The following DMD variants were observed in gnomAD, a reference collection of about 807,000 sequenced individuals.
The protein encoded by DMD is dystrophin.
A neutral mutation model predicts 330.1 loss-of-function variants in DMD; 63 were observed. The observed-to-expected ratio is 0.19, with a 90% CI of 0.16 to 0.24. DMD has a LOEUF of 0.24. Among genes scored for constraint, DMD ranks in the 10% least tolerant of loss-of-function variants. DMD has a pLI of 1.00. For missense variants in DMD, 3,344 were observed against 2,684.1 expected (o/e 1.25, Z -5.43); for synonymous variants, 1,223 against 959.8 (o/e 1.27, Z -5.07).
chrX:31,402,484 C>T (rs1239349735), intron 60 of DMD, among the ~76,000 whole-genome samples: 1 of 111,969 alleles, frequency 8.9e-6, no homozygotes, highest in East Asian at 2.8e-4. Context: ...AAAAAATTAG[C>T]TTCTCTTGGC....
chrX:32,454,860 G>A (rs1423887234), intron 25 of DMD, 28 bp from the exon 26 acceptor site: 4 of 1,193,655 alleles, frequency 3.4e-6, no homozygotes, highest in South Asian at 3.6e-5. Context: ...AACAAAACAC[G>A]ATTATTGACA....
intron 42 of DMD, among the ~76,000 whole-genome samples, chrX:32,298,287 G>A (rs936411672): frequency 8.2e-5 from 9 of 110,423 alleles, no homozygotes; most frequent in Non-Finnish European, 1.1e-4. Context: ...GTTGAATTCC[G>A]GATACATTGT....
At chrX:32,849,304 T>C (rs1399629106) in intron 3 of DMD, among the ~76,000 whole-genome samples, 2 of 111,692 alleles carry the variant, frequency 1.8e-5, no homozygotes, top group East Asian at 5.6e-4. Flanking sequence ...GGAAGTGATA[T>C]TTTCATCACA....
intron 43 of DMD, among the ~76,000 whole-genome samples, chrX:32,232,877 A>C (rs1053644247): frequency 2.7e-5 from 3 of 112,153 alleles, no homozygotes; most frequent in African/African-American, 9.7e-5. Flanking sequence ...AGAAAGAGAA[A>C]TAAGCAGAAG....
intron 55 of DMD, among the ~76,000 whole-genome samples, chrX:31,580,474 G>T (rs180702433): frequency 3.6e-5 from 4 of 111,618 alleles, no homozygotes; most frequent in Non-Finnish European, 7.5e-5. Flanking sequence ...TCCCAAGGGA[G>T]CCCAGTCAGA....
In DMD at chrX:32,131,870, CACACAGTAGTTGGAGGGTA is replaced by C. The variant is rs768225275; in HGVS notation, c.6438+85027_6438+85045del. 3.6e-5 allele frequency among the ~76,000 whole-genome samples: 4 copies of C among 112,039 alleles called. No homozygotes were observed. In the South Asian group the frequency reaches 1.1e-3, roughly 31 times the overall value. ...ACCTCAGTGCCAGACCCTGCTTCTT[CACACAGTAGTTGGAGGGTA>C]AAGTCATCTGAGACTGTCAGTTCCG... On this transcript the variant is annotated intron_variant, in intron 44 of 78. Coordinates refer to ENST00000357033, the MANE Select transcript of DMD (RefSeq NM_004006.3).
At chrX:32,727,512 G>C in intron 7 of DMD, among the ~76,000 whole-genome samples, 1 of 109,988 alleles carries the variant, frequency 9.1e-6, no homozygotes, top group Non-Finnish European at 1.9e-5. Flanking sequence ...TTCTATATCA[G>C]GCCTCTGCTT....
chrX:31,813,074 T>C (rs1048840833), intron 50 of DMD, among the ~76,000 whole-genome samples: 1 of 111,770 alleles, frequency 8.9e-6, no homozygotes, highest in African/African-American at 3.3e-5. Flanking sequence ...AGTTGAGATA[T>C]ATGAGAATAC....
chrX:31,908,396 T>C (rs941145233), intron 47 of DMD, among the ~76,000 whole-genome samples: 9 of 111,320 alleles, frequency 8.1e-5, no homozygotes, highest in Non-Finnish European at 1.3e-4. Flanking sequence ...TAAAAAAGGA[T>C]GAGTTGTTTA....
intron 47 of DMD, among the ~76,000 whole-genome samples, chrX:31,915,293 G>A (rs180852539): frequency 9.0e-6 from 1 of 111,611 alleles, no homozygotes; most frequent in Non-Finnish European, 1.9e-5. Context: ...TGGAGATTTT[G>A]AAATGCAGTA....
At chrX:31,337,558 C>A (rs955082611) in intron 61 of DMD, among the ~76,000 whole-genome samples, 5 of 112,284 alleles carry the variant, frequency 4.5e-5, no homozygotes, top group Non-Finnish European at 9.4e-5. Flanking sequence ...ATGATTCTTG[C>A]CCACAGGGAT....
chrX:31,761,898 T>C (rs753685565), intron 51 of DMD, among the ~76,000 whole-genome samples: 4 of 112,465 alleles, frequency 3.6e-5, no homozygotes, highest in Non-Finnish European at 5.6e-5. Flanking sequence ...TTGGCTAGCA[T>C]AGCCAGCTGC....
intron 55 of DMD, among the ~76,000 whole-genome samples, chrX:31,538,454 G>A (rs2073575665): frequency 8.9e-6 from 1 of 111,865 alleles, no homozygotes; most frequent in Admixed American, 9.5e-5. Context: ...TTATTGATGT[G>A]TCTCTAGTGT....
At chrX:33,295,182 ACT>A (rs2053566876) in intron 1 of DMD, among the ~76,000 whole-genome samples, 1 of 110,951 alleles carries the variant, frequency 9.0e-6, no homozygotes, top group African/African-American at 3.3e-5. Flanking sequence ...AATGTTCAAA[ACT>A]CATCACTTCT....
chrX:32,612,391 C>CCGG (rs1310972016), intron 12 of DMD, among the ~76,000 whole-genome samples: 3 of 111,682 alleles, frequency 2.7e-5, no homozygotes, highest in Non-Finnish European at 5.7e-5. Context: ...ATCCATGACC[C>CCGG]AGGATGGCTT....
At chrX:31,927,210 T>C (rs1211528451) in intron 47 of DMD, among the ~76,000 whole-genome samples, 1 of 112,189 alleles carries the variant, frequency 8.9e-6, no homozygotes, top group Non-Finnish European at 1.9e-5. Flanking sequence ...AGACATTGCA[T>C]TAAAATTATA....
intron 44 of DMD, among the ~76,000 whole-genome samples, chrX:32,129,824 C>A (rs1483218536): frequency 9.2e-6 from 1 of 108,695 alleles, no homozygotes; most frequent in Non-Finnish European, 1.9e-5. Flanking sequence ...TCGAGGCCAA[C>A]GAGTTTGGGT....
intron 13 of DMD, among the ~76,000 whole-genome samples, chrX:32,581,275 G>A (rs963293615): frequency 8.9e-6 from 1 of 112,412 alleles, no homozygotes; most frequent in African/African-American, 3.2e-5. Context: ...TAATGTAGGT[G>A]TAACAGAATA....
chrX:31,321,607 A>AAAAAAAAAAAAAAAAAAAAAGAAAG (rs1388525572), intron 62 of DMD, among the ~76,000 whole-genome samples: 20 of 89,259 alleles, frequency 2.2e-4, no homozygotes, highest in African/African-American at 7.1e-4. Flanking sequence ...AAAAAAAAAA[A>AAAAAAAAAAAAAAAAAAAAAGAAAG]AAAGAAAGAA....
Sources: allele counts gnomAD v4.1 joint callset (sites outside exome capture counted in the v4.1 genomes callset), GRCh38; gene constraint gnomAD v4.1.1; transcripts MANE v1.5; gene names NCBI Gene and HGNC (gene_info 2026-07-23, HGNC 2026-07-21).